NCOA6: variants seen among roughly 807,000 people sequenced by gnomAD.
The protein encoded by NCOA6 is nuclear receptor coactivator 6, also known as NRC RAP250.
A neutral mutation model predicts 171.4 loss-of-function variants in NCOA6; 49 were observed. That is an observed-to-expected ratio of 0.29 (90% CI 0.23 to 0.36). The LOEUF (loss-of-function observed/expected upper bound fraction) is 0.36. Among genes scored for constraint, NCOA6 ranks in the 10% least tolerant of loss-of-function variants. The pLI is 1.00. For missense variants in NCOA6, 2,248 were observed against 2,554.5 expected (o/e 0.88, Z 2.59); for synonymous variants, 910 against 927.5 (o/e 0.98, Z 0.34).
At chr20:34,816,979 T>G (rs2078856261) in intron 1 of NCOA6, among the ~76,000 whole-genome samples, 1 of 150,950 alleles carries the variant, frequency 6.6e-6, no homozygotes, top group East Asian at 2.0e-4. Context: ...AAAAATTAGC[T>G]GGGCGTGGTG....
intron 11 of NCOA6, among the ~76,000 whole-genome samples, chr20:34,740,015 A>G (rs962548654): frequency 2.0e-5 from 3 of 152,152 alleles, no homozygotes; most frequent in African/African-American, 7.2e-5. Flanking sequence ...GGTGTGTGCC[A>G]TCATGCCTGG....
At chr20:34,746,278 G>A (rs1330637473) in intron 10 of NCOA6, among the ~76,000 whole-genome samples, 11 of 150,564 alleles carry the variant, frequency 7.3e-5, no homozygotes, top group Non-Finnish European at 1.5e-4. Context: ...TTGAGACAGG[G>A]TCCCAGGCTG....
chr20:34,780,245 A>G (rs1421304418), intron 3 of NCOA6, among the ~76,000 whole-genome samples: 1 of 152,218 alleles, frequency 6.6e-6, no homozygotes, highest in Non-Finnish European at 1.5e-5. Flanking sequence ...CATAACAGTT[A>G]TATCTTATCA....
chr20:34,776,827 G>T, intron 3 of NCOA6: 1 of 450,812 alleles, frequency 2.2e-6, no homozygotes, highest in Non-Finnish European at 4.4e-6. Context: ...GAAGAGAGAG[G>T]TTAAGTTTAA....
chr20:34,799,978 C>T (rs975455155), intron 1 of NCOA6, among the ~76,000 whole-genome samples: 10 of 152,216 alleles, frequency 6.6e-5, no homozygotes, highest in African/African-American at 2.4e-4. Flanking sequence ...AGTGTATAAA[C>T]TACTCATATC....
chr20:34,813,785 C>T (rs915574034), intron 1 of NCOA6, among the ~76,000 whole-genome samples: 2 of 151,562 alleles, frequency 1.3e-5, no homozygotes, highest in Admixed American at 6.6e-5. Context: ...TTTAATAAAA[C>T]ATTTAAAATA....
chr20:34,750,230 A>T lies in NCOA6; in HGVS notation c.1965T>A (p.Leu655=). ...QNPMILSRAQ[L]MPQGQMMVNP... ...TCACCATCATCTGGCCCTGTGGCAT[A>T]AGCTGGGCCCTTGAAAGGATCATAG... The change falls in exon 9 of 15, where the codon CTT becomes CTA. Residue 655 remains leucine (L), a synonymous_variant. Coordinates refer to ENST00000359003, the MANE Select transcript of NCOA6 (RefSeq NM_014071.5). 1.2e-6 allele frequency: 2 copies of T among 1,610,678 alleles called. No individual in the cohort carries two copies. Among genetic ancestry groups the T allele is most frequent in the East Asian group, 4.5e-5 (2 of 44,816 alleles).
intron 4 of NCOA6, among the ~76,000 whole-genome samples, chr20:34,770,422 T>G (rs1022327921): frequency 5.9e-5 from 9 of 152,144 alleles, no homozygotes; most frequent in Non-Finnish European, 8.8e-5. Flanking sequence ...AGCTACCAGA[T>G]GCTATAGCTT....
At chr20:34,717,118 A>C (rs1160588210) in intron 14 of NCOA6, among the ~76,000 whole-genome samples, 1 of 152,196 alleles carries the variant, frequency 6.6e-6, no homozygotes, top group Non-Finnish European at 1.5e-5. Context: ...GATTGTAAGG[A>C]AAAATTTCAC....
chr20:34,754,675 A>C (rs764740302), intron 8 of NCOA6, 47 bp downstream of exon 8: 1 of 1,611,740 alleles, frequency 6.2e-7, no homozygotes, highest in African/African-American at 1.3e-5. Flanking sequence ...CAAGTCTACG[A>C]CACAATGCTC....
chr20:34,768,987 A>G (rs1352215038), intron 4 of NCOA6, among the ~76,000 whole-genome samples: 1 of 152,202 alleles, frequency 6.6e-6, no homozygotes, highest in East Asian at 1.9e-4. Context: ...TATGATCAGA[A>G]GGTAGACACT....
At chr20:34,770,712 C>T (rs1190229683) in intron 4 of NCOA6, among the ~76,000 whole-genome samples, 4 of 151,332 alleles carry the variant, frequency 2.6e-5, no homozygotes, top group South Asian at 4.2e-4. Context: ...ATCACTGTAA[C>T]GTCTGCCTCC....
At chr20:34,773,439 G>A (rs6060041) in intron 4 of NCOA6, among the ~76,000 whole-genome samples, 163 of 152,270 alleles carry the variant, frequency 1.1e-3, no homozygotes, top group South Asian at 2.9e-3. Flanking sequence ...TGGCAACATT[G>A]CTTCATTCCT....
intron 11 of NCOA6, among the ~76,000 whole-genome samples, chr20:34,740,006 G>A (rs944796804): frequency 6.6e-6 from 1 of 152,086 alleles, no homozygotes; most frequent in African/African-American, 2.4e-5. Flanking sequence ...GGGATTACAG[G>A]TGTGTGCCAT....
chr20:34,763,355 T>A (rs2076874895), intron 5 of NCOA6, among the ~76,000 whole-genome samples: 3 of 152,228 alleles, frequency 2.0e-5, no homozygotes. Context: ...CCAATCCACC[T>A]ATTTCTAATT....
At chr20:34,778,958 CAAAAAAAAAAAAAAA>C (rs57631874) in intron 3 of NCOA6, among the ~76,000 whole-genome samples, 1 of 46,512 alleles carries the variant, frequency 2.1e-5, no homozygotes, top group African/African-American at 8.5e-5. Context: ...GACTCCGTTT[CAAAAAAAAAAAAAAA>C]AAAAAAAAAA....
chr20:34,730,147 C>T (rs554238441), intron 13 of NCOA6, among the ~76,000 whole-genome samples: 87 of 152,132 alleles, frequency 5.7e-4, no homozygotes, highest in Non-Finnish European at 1.0e-3. Context: ...TGGCTCATTG[C>T]AGCCCTGACC....
At chr20:34,746,725 T>G in intron 10 of NCOA6, 82 bp downstream of exon 10, 1 of 1,414,146 alleles carries the variant, frequency 7.1e-7, no homozygotes, top group South Asian at 1.6e-5. Flanking sequence ...AATAAAATAC[T>G]ATTGTTTCCT....
rs895723833 is a variant in NCOA6, at chr20:34,806,894, G to A, written c.-163-14331C>T. Among the ~76,000 whole-genome samples the A allele has an allele frequency of 2.0e-5, 3 of 152,126 alleles. No homozygotes were observed. The South Asian group carries it at 6.2e-4, about 32-fold the overall frequency. Reference sequence around the variant, plus strand: ...GCTTTGGCTACTCAAGGTCTTTTGTGGTGCCTGCCATACAAATTTTAGGAT... The same window carrying A: ...GCTTTGGCTACTCAAGGTCTTTTGTAGTGCCTGCCATACAAATTTTAGGAT... On this transcript the variant is annotated intron_variant, in intron 1 of 14. Coordinates refer to ENST00000359003, the MANE Select transcript of NCOA6 (RefSeq NM_014071.5).
Sources: gnomAD v4.1 joint callset for allele counts (sites outside exome capture counted in the v4.1 genomes callset) on GRCh38, gnomAD v4.1.1 for gene constraint, MANE v1.5 for transcripts, NCBI Gene and HGNC (gene_info 2026-07-23, HGNC 2026-07-21) for gene names.